Variants in CFAP92 observed in about 807,000 individuals in gnomAD.
CFAP92 encodes cilia and flagella associated protein 92 (putative).
Under a neutral mutation model 106.3 loss-of-function variants are expected in CFAP92, and 86 were observed. The ratio of observed to expected loss-of-function variants is 0.81; its 90% CI spans 0.68 to 0.97. The LOEUF (loss-of-function observed/expected upper bound fraction) is 0.97, where lower values mean the gene tolerates loss of function less well. Ranked by LOEUF, CFAP92 falls within the 50% of genes least tolerant of loss-of-function variation. The probability of loss-of-function intolerance (pLI) is 0.00; values close to 1 mark genes in which losing one functional copy is unlikely to be tolerated. For synonymous variants in CFAP92, 477 were observed against 506.4 expected (o/e 0.94, Z 0.78); for missense variants, 1,204 against 1,283.8 (o/e 0.94, Z 0.95).
At chr3:129,009,108 C>T in the CFAP92 span, among the ~76,000 whole-genome samples, 4 of 152,290 alleles carry the variant, frequency 2.6e-5, no homozygotes, top group East Asian at 7.7e-4. Context: ...CCCTGCCCAA[C>T]CAAGGTGTTT....
rs1943740031 is a variant in CFAP92 at position 128,984,673 on chromosome 3, T to C, written c.667+2943A>G. 3.9e-5 allele frequency among the ~76,000 whole-genome samples: 6 copies of C among 152,224 alleles called. No homozygotes were observed. In the South Asian group the frequency reaches 8.3e-4, roughly 21 times the overall value. ...TTCACCTTGTGATCATGTGAGTCAA[T>C]ACTCCTTAATAAACTCCCTTTCATA... On this transcript the variant is annotated intron_variant, in intron 4 of 15. Transcript: ENST00000645291.
chr3:129,002,114 C>G (rs1202656243), intron 1 of CFAP92: 1 of 1,482,676 alleles, frequency 6.7e-7, no homozygotes, highest in Non-Finnish European at 8.9e-7. Context: ...CCCGGCTGCC[C>G]CGCGGCGCTC....
intron 10 of CFAP92, among the ~76,000 whole-genome samples, chr3:128,944,015 C>T (rs929693696): frequency 2.0e-5 from 3 of 150,544 alleles, no homozygotes; most frequent in African/African-American, 4.9e-5. Context: ...CTGCAACCTC[C>T]GCCTCCTGGG....
chr3:128,990,129 G>C (rs993666207), intron 2 of CFAP92, among the ~76,000 whole-genome samples: 1 of 152,144 alleles, frequency 6.6e-6, no homozygotes, highest in Admixed American at 6.6e-5. Flanking sequence ...ACCAATAAGG[G>C]GTAGGATAAA....
chr3:128,999,343 T>TA (rs1430700433), intron 1 of CFAP92, among the ~76,000 whole-genome samples: 1 of 151,966 alleles, frequency 6.6e-6, no homozygotes, highest in Admixed American at 6.6e-5. Flanking sequence ...CCCTGAGCTG[T>TA]AGGGGAGTGG....
chr3:128,915,311 G>C, intron 14 of CFAP92, 36 bp from the exon 15 acceptor site: 2 of 1,535,836 alleles, frequency 1.3e-6, no homozygotes, highest in Non-Finnish European at 1.7e-6. Context: ...GGAGGAGAAA[G>C]GTCCCTATGG....
intron 9 of CFAP92, 121 bp downstream of exon 9, chr3:128,965,390 C>T (rs1203214258): frequency 5.0e-6 from 2 of 397,238 alleles, no homozygotes; most frequent in Non-Finnish European, 8.9e-6. Flanking sequence ...TTCACACGGA[C>T]CCGTATGAGA....
chr3:128,998,801 C>A (rs914573609), upstream of CFAP92, among the ~76,000 whole-genome samples: 6 of 152,296 alleles, frequency 3.9e-5, no homozygotes, highest in African/African-American at 4.8e-5. Flanking sequence ...AGAAAGATCC[C>A]AATGGCGCCC....
intron 1 of CFAP92, chr3:129,001,628 G>T (rs1316741781): frequency 6.8e-5 from 92 of 1,358,472 alleles, no homozygotes; most frequent in Non-Finnish European, 8.7e-5. Context: ...GCGGCGCAGC[G>T]ATGGAGCCGG....
chr3:128,988,149 A>G (rs1943977572), intron 3 of CFAP92, among the ~76,000 whole-genome samples: 1 of 152,102 alleles, frequency 6.6e-6, no homozygotes, highest in African/African-American at 2.4e-5. Flanking sequence ...ACACACATGC[A>G]CACACACGTC....
rs1576530067 is a variant in CFAP92 at position 128,960,331 on chromosome 3, G to A, written c.1353+5180C>T. On this transcript the variant is annotated intron_variant, in intron 9 of 15. Coordinates refer to ENST00000645291, the MANE Select transcript of CFAP92 (RefSeq NM_001394090.1). ...CTCCTGCTCTTTGCTCCGTGAGAAA[G>A]ATCCACCTCTATGACCTCAGGTCCT... Among the ~76,000 whole-genome samples, 8 of 152,330 alleles carry A rather than the reference G, an allele frequency of 5.3e-5. No individual in the cohort carries two copies. The South Asian group carries it at 1.7e-3, about 32-fold the overall frequency.
At chr3:129,022,587 C>T in the CFAP92 span, among the ~76,000 whole-genome samples, 1 of 152,198 alleles carries the variant, frequency 6.6e-6, no homozygotes, top group South Asian at 2.1e-4. Context: ...CCTCCGGATG[C>T]TGTGCAGATG....
chr3:128,988,386 C>T (rs1166261374), intron 3 of CFAP92, among the ~76,000 whole-genome samples: 1 of 152,110 alleles, frequency 6.6e-6, no homozygotes, highest in East Asian at 1.9e-4. Flanking sequence ...ACTAAAAGTA[C>T]AAAAACTAGC....
chr3:128,971,380 G>T lies in CFAP92; in HGVS notation c.1075C>A (p.Pro359Thr). Residue 359 changes from proline (P) to threonine (T), a missense_variant, in exon 8 of 16, where the codon CCC (proline) becomes ACC (threonine). Coordinates refer to ENST00000645291, the MANE Select transcript of CFAP92 (RefSeq NM_001394090.1). ...RRKIQRRHKK[P>T]LAEEEADPTL... ...GGGTCTGCCTCTTCTTCTGCCAGGG[G>T]CTTCTTATGTCTCCTCTGGATTTTC... The T allele has an allele frequency of 6.2e-7, 1 of 1,613,376 alleles. No homozygotes were observed. The highest frequency in any genetic ancestry group is 8.5e-7 in the Non-Finnish European group (1 of 1,179,650).
the CFAP92 span, among the ~76,000 whole-genome samples, chr3:129,022,094 T>G: frequency 6.6e-6 from 1 of 152,176 alleles, no homozygotes; most frequent in Non-Finnish European, 1.5e-5. Context: ...TTACCAAGCT[T>G]CAGATCCTCT....
intron 9 of CFAP92, among the ~76,000 whole-genome samples, chr3:128,948,377 C>CTTTTTTT (rs4040748): frequency 6.3e-5 from 5 of 79,770 alleles, no homozygotes; most frequent in Non-Finnish European, 7.6e-5. Flanking sequence ...CTTTTCTTTC[C>CTTTTTTT]TTTTTTTTTT....
the CFAP92 span, among the ~76,000 whole-genome samples, chr3:129,022,214 A>G: frequency 5.9e-5 from 9 of 152,312 alleles, no homozygotes; most frequent in South Asian, 4.1e-4. Context: ...ATTTCATTTC[A>G]TCCTCATAGG....
At chr3:129,021,261 A>T in the CFAP92 span, among the ~76,000 whole-genome samples, 2 of 152,194 alleles carry the variant, frequency 1.3e-5, no homozygotes, top group South Asian at 4.1e-4. Flanking sequence ...TCTTATATAT[A>T]AACACAGGGT....
chr3:128,950,801 C>A (rs1162165798), intron 9 of CFAP92, among the ~76,000 whole-genome samples: 1 of 152,164 alleles, frequency 6.6e-6, no homozygotes, highest in Non-Finnish European at 1.5e-5. Flanking sequence ...TCACATAGCA[C>A]CCCCTGCCTA....
Sources: allele counts gnomAD v4.1 joint callset (sites outside exome capture counted in the v4.1 genomes callset), GRCh38; gene constraint gnomAD v4.1.1; transcripts MANE v1.5; gene names NCBI Gene and HGNC (gene_info 2026-07-23, HGNC 2026-07-21).